The following UBE2E3 variants were observed in gnomAD, a reference collection of about 807,000 sequenced individuals.
UBE2E3 encodes the protein ubiquitin conjugating enzyme E2 E3.
UBE2E3 carries 5 observed loss-of-function variants against 23.6 expected under a neutral mutation model. The observed-to-expected ratio is 0.21, with a 90% CI of 0.11 to 0.44. UBE2E3 has a LOEUF of 0.44. UBE2E3 is among the 20% of genes least tolerant of loss of function. The pLI is 0.99. For synonymous variants in UBE2E3, 78 were observed against 87.5 expected (o/e 0.89, Z 0.60); for missense variants, 81 against 249.8 (o/e 0.32, Z 4.55).
intron 3 of UBE2E3, among the ~76,000 whole-genome samples, chr2:181,051,345 G>A (rs1032664710): frequency 2.0e-5 from 3 of 151,616 alleles, no homozygotes; most frequent in African/African-American, 4.8e-5. Flanking sequence ...AGTTTTTTCA[G>A]TATTTTAAAC....
chr2:181,032,370 T>C (rs570154021), intron 3 of UBE2E3, among the ~76,000 whole-genome samples: 64 of 152,308 alleles, frequency 4.2e-4, no homozygotes, highest in Admixed American at 7.8e-4. Flanking sequence ...ATAAAAAATA[T>C]ATATTATCCT....
intron 3 of UBE2E3, among the ~76,000 whole-genome samples, chr2:181,020,064 A>G (rs191215508): frequency 2.0e-5 from 3 of 152,158 alleles, no homozygotes; most frequent in Non-Finnish European, 2.9e-5. Flanking sequence ...TGACTACTGT[A>G]TTTCTTATCT....
intron 3 of UBE2E3, among the ~76,000 whole-genome samples, chr2:180,993,109 A>G (rs1684715806): frequency 6.6e-6 from 1 of 152,216 alleles, no homozygotes; most frequent in Non-Finnish European, 1.5e-5. Flanking sequence ...TATCAGTTTT[A>G]TAAGGGTGTA....
At chr2:181,056,229 C>A (rs1337918339) in intron 3 of UBE2E3, among the ~76,000 whole-genome samples, 4 of 151,572 alleles carry the variant, frequency 2.6e-5, no homozygotes, top group African/African-American at 9.7e-5. Context: ...AAAAATGAGA[C>A]CATACCAGTA....
intron 3 of UBE2E3, among the ~76,000 whole-genome samples, chr2:181,020,008 C>T (rs1007303368): frequency 2.6e-5 from 4 of 152,124 alleles, no homozygotes; most frequent in Non-Finnish European, 5.9e-5. Flanking sequence ...TTTCCCCATA[C>T]GTCAACCCCT....
chr2:181,045,631 G>T (rs1202332615), intron 3 of UBE2E3, among the ~76,000 whole-genome samples: 1 of 152,088 alleles, frequency 6.6e-6, no homozygotes, highest in Non-Finnish European at 1.5e-5. Flanking sequence ...AATCTCTAGG[G>T]GTGGGACCTG....
chr2:180,985,599 G>C (rs72883508), intron 3 of UBE2E3, among the ~76,000 whole-genome samples: 35,182 of 152,026 alleles, frequency 0.23, 4,450 homozygotes, highest in Non-Finnish European at 0.28. Flanking sequence ...ACAAGTAAAT[G>C]AAAGTATTTT....
intron 3 of UBE2E3, among the ~76,000 whole-genome samples, chr2:181,054,318 A>AT (rs1214120369): frequency 6.6e-6 from 1 of 151,830 alleles, no homozygotes; most frequent in African/African-American, 2.4e-5. Flanking sequence ...ATGAATCTAG[A>AT]TATTTTGCAT....
chr2:180,990,306 G>A (rs1339443104), intron 3 of UBE2E3, among the ~76,000 whole-genome samples: 2 of 152,134 alleles, frequency 1.3e-5, no homozygotes, highest in African/African-American at 4.8e-5. Flanking sequence ...TAATACATAG[G>A]ACAGACCCCC....
At chr2:181,053,667 T>C (rs924832040) in intron 3 of UBE2E3, among the ~76,000 whole-genome samples, 7 of 151,888 alleles carry the variant, frequency 4.6e-5, no homozygotes, top group Non-Finnish European at 1.0e-4. Flanking sequence ...GGTATAGTTG[T>C]TACATTCCAA....
chr2:181,001,431 C>T (rs1172355369), intron 3 of UBE2E3, among the ~76,000 whole-genome samples: 1 of 151,206 alleles, frequency 6.6e-6, no homozygotes, highest in African/African-American at 2.5e-5. Flanking sequence ...AAGTCCTCCA[C>T]CCCCCACACC....
chr2:180,994,844 C>T (rs902682616), intron 3 of UBE2E3, among the ~76,000 whole-genome samples: 16 of 152,122 alleles, frequency 1.1e-4, no homozygotes, highest in Non-Finnish European at 1.8e-4. Flanking sequence ...CTATGAGATA[C>T]ACACAAACCT....
At position 181,021,039 on chromosome 2, in the gene UBE2E3, A is replaced by G. The variant is rs1574189862; in HGVS notation, c.246-36654A>G. Among the ~76,000 whole-genome samples, 4 of 152,330 alleles carry G rather than the reference A, an allele frequency of 2.6e-5. No homozygotes were observed. In the South Asian group the frequency reaches 6.2e-4, roughly 24 times the overall value. On this transcript the variant is annotated intron_variant, in intron 3 of 5. Transcript: ENST00000410062. ...GAAAGGGTTATTACATACTTTGTCA[A>G]TCATTTCTTACCCTACTATATGTGA...
At chr2:181,002,294 A>G (rs529098702) in intron 3 of UBE2E3, among the ~76,000 whole-genome samples, 2 of 152,290 alleles carry the variant, frequency 1.3e-5, no homozygotes, top group South Asian at 4.1e-4. Context: ...TGTTTAATCT[A>G]TATTATTCAT....
intron 3 of UBE2E3, among the ~76,000 whole-genome samples, chr2:181,032,775 G>A (rs1419597345): frequency 6.6e-6 from 1 of 151,946 alleles, no homozygotes; most frequent in Non-Finnish European, 1.5e-5. Context: ...TTTAATTTAG[G>A]ATTATCAAAC....
At chr2:181,022,510 A>T (rs1244502520) in intron 3 of UBE2E3, among the ~76,000 whole-genome samples, 3 of 152,028 alleles carry the variant, frequency 2.0e-5, no homozygotes. Context: ...TATATTGTTG[A>T]TTCATTAACA....
rs762238456 is a variant in UBE2E3 at position 180,982,028 on chromosome 2, GAT to G, written c.-13_-12del. ...TGTTCTCTTTAAAAGTTTTCCAAGA[GAT>G]AACTTCACCAAGATGTCCAGTGATA... is the stretch of plus-strand genomic sequence containing the variant. On this transcript the variant is annotated 5_prime_UTR_variant, in exon 2 of 6. The change abolishes the stop of an existing upstream ORF in the 5' untranslated region. Coordinates refer to ENST00000410062, the MANE Select transcript of UBE2E3 (RefSeq NM_006357.4). The G allele has an allele frequency of 1.9e-6, 3 of 1,597,958 alleles. No individual in the cohort carries two copies. The highest frequency in any genetic ancestry group is 2.6e-6 in the Non-Finnish European group (3 of 1,174,570).
chr2:181,016,537 C>T (rs1318460754), intron 3 of UBE2E3, among the ~76,000 whole-genome samples: 16 of 152,138 alleles, frequency 1.1e-4, no homozygotes, highest in Admixed American at 1.0e-3. Flanking sequence ...ATGTCAGACT[C>T]ATTTTACAGT....
intron 3 of UBE2E3, among the ~76,000 whole-genome samples, chr2:181,037,909 A>C (rs943076098): frequency 6.6e-6 from 1 of 152,242 alleles, no homozygotes; most frequent in African/African-American, 2.4e-5. Flanking sequence ...TCAAGATTGC[A>C]GTGAACTATG....
Sources: gnomAD v4.1 joint callset for allele counts (sites outside exome capture counted in the v4.1 genomes callset) on GRCh38, gnomAD v4.1.1 for gene constraint, MANE v1.5 for transcripts, NCBI Gene and HGNC (gene_info 2026-07-23, HGNC 2026-07-21) for gene names.